The following SRBD1 variants were observed in gnomAD, a reference collection of about 807,000 sequenced individuals.
SRBD1 encodes S1 RNA-binding domain-containing protein 1.
Under a neutral mutation model 115.3 loss-of-function variants are expected in SRBD1, and 88 were observed. The ratio of observed to expected loss-of-function variants is 0.76; its 90% confidence interval spans 0.64 to 0.91. The LOEUF is 0.91. SRBD1 is among the 40% of genes least tolerant of loss of function. The probability of loss-of-function intolerance (pLI) is 0.00; values close to 1 mark genes in which losing one functional copy is unlikely to be tolerated. For synonymous variants in SRBD1, 509 were observed against 407.7 expected (o/e 1.25, Z -2.99); for missense variants, 1,385 against 1,177.4 (o/e 1.18, Z -2.58).
intron 16 of SRBD1, among the ~76,000 whole-genome samples, chr2:45,466,214 T>A (rs1286608864): frequency 1.3e-5 from 2 of 152,160 alleles, no homozygotes; most frequent in African/African-American, 4.8e-5. Flanking sequence ...ACAGAGAAGA[T>A]AAGAAATGTA....
At chr2:45,408,119 T>A (rs1466492218) in intron 19 of SRBD1, among the ~76,000 whole-genome samples, 2 of 152,206 alleles carry the variant, frequency 1.3e-5, no homozygotes, top group Non-Finnish European at 2.9e-5. Flanking sequence ...AAACATGAAA[T>A]GTACTGCAAC....
At chr2:45,490,310 G>A (rs1670254494) in intron 14 of SRBD1, among the ~76,000 whole-genome samples, 1 of 152,134 alleles carries the variant, frequency 6.6e-6, no homozygotes, top group Non-Finnish European at 1.5e-5. Flanking sequence ...AATCAGAACT[G>A]CATGTAAAAT....
intron 14 of SRBD1, among the ~76,000 whole-genome samples, chr2:45,540,111 G>A (rs145526263): frequency 3.6e-4 from 55 of 152,338 alleles, no homozygotes; most frequent in African/African-American, 1.3e-3. Flanking sequence ...GGGAGGCCAT[G>A]GCAGGCGGAT....
At chr2:45,547,994 T>C (rs761959869) in intron 12 of SRBD1, among the ~76,000 whole-genome samples, 9 of 152,240 alleles carry the variant, frequency 5.9e-5, no homozygotes, top group Non-Finnish European at 1.2e-4. Context: ...ATGACTTTAT[T>C]TACCTTGTGC....
At chr2:45,515,307 G>A (rs1488680557) in intron 14 of SRBD1, among the ~76,000 whole-genome samples, 3 of 152,084 alleles carry the variant, frequency 2.0e-5, no homozygotes, top group African/African-American at 4.8e-5. Flanking sequence ...CTGAAGAAAC[G>A]AAGGTAGAGA....
intron 14 of SRBD1, among the ~76,000 whole-genome samples, chr2:45,512,834 CT>C (rs778565566): frequency 1.8e-4 from 27 of 152,004 alleles, no homozygotes; most frequent in South Asian, 8.3e-4. Context: ...TTCTTTATGC[CT>C]GTATTATTCC....
intron 14 of SRBD1, among the ~76,000 whole-genome samples, chr2:45,532,816 A>G (rs1469306341): frequency 6.7e-6 from 1 of 148,162 alleles, no homozygotes; most frequent in Non-Finnish European, 1.5e-5. Context: ...CACTGCAGCC[A>G]AAAGATATAT....
At chr2:45,466,301 G>A (rs1016615366) in intron 16 of SRBD1, among the ~76,000 whole-genome samples, 2 of 152,054 alleles carry the variant, frequency 1.3e-5, no homozygotes, top group Non-Finnish European at 2.9e-5. Flanking sequence ...TCTCTCTGGA[G>A]CTCCTCTCCA....
chr2:45,508,873 C>G (rs891027963), intron 14 of SRBD1, among the ~76,000 whole-genome samples: 1 of 151,326 alleles, frequency 6.6e-6, no homozygotes, highest in African/African-American at 2.5e-5. Flanking sequence ...GAATTATTTA[C>G]AGTCACAGGC....
chr2:45,476,439 T>G (rs573743216), intron 16 of SRBD1, among the ~76,000 whole-genome samples: 1 of 152,326 alleles, frequency 6.6e-6, no homozygotes, highest in Admixed American at 6.5e-5. Context: ...GACCCAAGCC[T>G]TCTGGAGACA....
At position 45,392,956 on chromosome 2, in the gene SRBD1, T is replaced by C. The variant is rs1558548207; in HGVS notation, c.2687A>G (p.Asp896Gly). The part of the protein sequence containing the change: ...IDGLSQPESF[D>G]FRTDFDKPDF... ...GTTCAACTGTTTACCTGTTCGAAAGTCAAAGCTTTCAGGCTGGCTGAGACC... is the reference window on the plus strand; with the variant it reads ...GTTCAACTGTTTACCTGTTCGAAAGCCAAAGCTTTCAGGCTGGCTGAGACC... The change falls in exon 20 of 21, where the codon GAC (aspartate) becomes GGC (glycine). Residue 896 changes from aspartate (D) to glycine (G), a missense_variant. Physicochemically the swap from Asp to Gly is moderately conservative, Grantham distance 94 (BLOSUM62 -1). Transcript: ENST00000263736. 1 of 1,604,730 alleles carries C rather than the reference T, an allele frequency of 6.2e-7. No individual in the cohort carries two copies.
chr2:45,588,454 T>A (rs185866269), intron 4 of SRBD1, among the ~76,000 whole-genome samples: 61 of 152,348 alleles, frequency 4.0e-4, no homozygotes, highest in African/African-American at 1.4e-3. Context: ...AACTCATTTA[T>A]ATTTTCTCTC....
At chr2:45,454,790 G>A (rs1212315625) in intron 16 of SRBD1, among the ~76,000 whole-genome samples, 1 of 151,848 alleles carries the variant, frequency 6.6e-6, no homozygotes, top group African/African-American at 2.4e-5. Context: ...TATGAACATT[G>A]TTATATCTTA....
chr2:45,417,039 C>T (rs1006067974), intron 18 of SRBD1, among the ~76,000 whole-genome samples: 1 of 152,148 alleles, frequency 6.6e-6, no homozygotes, highest in South Asian at 2.1e-4. Flanking sequence ...CTGGCCTATG[C>T]TGTGAGTTTT....
At chr2:45,464,140 T>C (rs141369323) in intron 16 of SRBD1, among the ~76,000 whole-genome samples, 29 of 152,036 alleles carry the variant, frequency 1.9e-4, no homozygotes, top group East Asian at 1.7e-3. Context: ...AATGGAGATG[T>C]ATGCTAAATT....
In SRBD1 at chr2:45,389,300, C is replaced by G. The variant is rs557805551; in HGVS notation, c.*10G>C. On this transcript the variant is annotated 3_prime_UTR_variant, in exon 21 of 21. Transcript: ENST00000263736. ...GAAAATAAAATCAGCGTCTGGCCTT[C>G]GTGGGATACTCATAACACCCGAATG... 7 of 1,607,372 alleles carry G rather than the reference C, an allele frequency of 4.4e-6. No individual in the cohort carries two copies. The South Asian group carries it at 4.4e-5, about 10-fold the overall frequency.
intron 1 of SRBD1, among the ~76,000 whole-genome samples, chr2:45,608,215 C>G (rs1408999298): frequency 1.3e-5 from 2 of 152,168 alleles, no homozygotes; most frequent in Non-Finnish European, 2.9e-5. Flanking sequence ...CCAACTGCCT[C>G]TTTATAAGGC....
At chr2:45,488,765 T>C (rs1042970321) in intron 14 of SRBD1, among the ~76,000 whole-genome samples, 2 of 152,084 alleles carry the variant, frequency 1.3e-5, no homozygotes, top group African/African-American at 4.8e-5. Context: ...CATATGGACA[T>C]ATGTGTGGAT....
At position 45,439,835 on chromosome 2, in the gene SRBD1, C is replaced by G. The variant is rs144993597; in HGVS notation, c.2050-19941G>C. On this transcript the variant is annotated intron_variant, in intron 16 of 20. Transcript: ENST00000263736. Reference sequence around the variant, plus strand: ...TAAGTAAAAAATACAACCTAAGTTTCTAACCTGGTAGGCCAGATAATCAGT... The same window carrying G: ...TAAGTAAAAAATACAACCTAAGTTTGTAACCTGGTAGGCCAGATAATCAGT... Among the ~76,000 whole-genome samples the G allele has an allele frequency of 5.5e-3, 828 of 151,630 alleles. 7 individuals are homozygous for G. Among genetic ancestry groups the G allele is most frequent in the African/African-American group, 0.019 (779 of 41,394 alleles).
Sources: gnomAD v4.1 joint callset for allele counts (sites outside exome capture counted in the v4.1 genomes callset) on GRCh38, gnomAD v4.1.1 for gene constraint, MANE v1.5 for transcripts, NCBI Gene and HGNC (gene_info 2026-07-23, HGNC 2026-07-21) for gene names.